Variants in FBXO31 observed in about 807,000 individuals in gnomAD.
The protein encoded by FBXO31 is F-box protein 31, also known as F-box only protein 31.
Under a neutral mutation model 54.4 loss-of-function variants are expected in FBXO31, and 24 were observed. That is an observed-to-expected ratio of 0.44 (90% confidence interval 0.32 to 0.62). The LOEUF (loss-of-function observed/expected upper bound fraction) is 0.62, where lower values mean the gene tolerates loss of function less well. Ranked by LOEUF, FBXO31 falls within the 20% of genes least tolerant of loss-of-function variation. The pLI is 0.05. For synonymous variants in FBXO31, 388 were observed against 335.6 expected (o/e 1.16, Z -1.71); for missense variants, 665 against 787.1 (o/e 0.84, Z 1.86).
rs1304704741 is a variant in FBXO31 at position 87,383,281 on chromosome 16, C to T, written c.340+124G>A. ...CACCCACACCCAAAACACCACATCGCCGGGCCCCGCGCCCAACTGGTGGCC... is the reference window on the plus strand; with the variant it reads ...CACCCACACCCAAAACACCACATCGTCGGGCCCCGCGCCCAACTGGTGGCC... On this transcript the variant is annotated intron_variant, in intron 1 of 8. Coordinates refer to ENST00000311635, the MANE Select transcript of FBXO31 (RefSeq NM_024735.5). This position sits in a 1 kb window ranked among gnomAD's most constrained non-coding sequence, Gnocchi z 4.9. The T allele has an allele frequency of 7.6e-6, 7 of 926,812 alleles. No homozygotes were observed. Among genetic ancestry groups the T allele is most frequent in the African/African-American group, 1.8e-5 (1 of 55,958 alleles). The allele number at this position is 926,812 out of a possible 1,614,324, so 57.4% of individuals were successfully genotyped here. A position where few individuals can be genotyped will look rare whatever the true frequency, so the allele number is the denominator to read the frequency against.
Position 87,352,519 on chromosome 16 carries a change from C to T in FBXO31, c.413-5269G>A, listed in dbSNP as rs112690968. Among the ~76,000 whole-genome samples, 604 of 152,236 alleles carry T rather than the reference C, an allele frequency of 4.0e-3. 2 individuals are homozygous for T. The highest frequency in any genetic ancestry group is 7.3e-3 in the Non-Finnish European group (494 of 68,022). ...AAGAAAATAATCCAGGCCAGAAGTC[C>T]GCAAACTGGAGTATCACCCGAATCC... On this transcript the variant is annotated intron_variant, in intron 2 of 8. Coordinates refer to ENST00000311635, the MANE Select transcript of FBXO31 (RefSeq NM_024735.5).
At chr16:87,366,194 T>C (rs1906362286) in intron 1 of FBXO31, among the ~76,000 whole-genome samples, 1 of 152,178 alleles carries the variant, frequency 6.6e-6, no homozygotes, top group Admixed American at 6.5e-5. Context: ...TGCGGAAATC[T>C]GAACCAAGTG....
intron 1 of FBXO31, among the ~76,000 whole-genome samples, chr16:87,360,612 T>C (rs1187185794): frequency 1.3e-5 from 2 of 152,362 alleles, no homozygotes; most frequent in Admixed American, 1.3e-4. Context: ...GCAATGTCTA[T>C]TCTAATAAGC....
Position 87,383,771 on chromosome 16 carries a change from G to A in FBXO31, c.-27C>T, listed in dbSNP as rs886197099. 1.7e-5 allele frequency: 20 copies of A among 1,184,594 alleles called. No individual in the cohort carries two copies. The African/African-American group carries it at 2.6e-4, about 15-fold the overall frequency. The allele number at this position is 1,184,594 out of a possible 1,614,324, so 73.4% of individuals were successfully genotyped here. ...CCGCCCAGTGACGGCCACTGCTGCC[G>A]CCTGTGCGCACGCTCCAGCGCGGCC... On this transcript the variant is annotated 5_prime_UTR_variant, in exon 1 of 9. Coordinates refer to ENST00000311635, the MANE Select transcript of FBXO31 (RefSeq NM_024735.5). The surrounding 1 kb of genome is among the most constrained non-coding windows in gnomAD (Gnocchi z 4.9).
At chr16:87,343,388 A>C (rs1312642605) in intron 4 of FBXO31, among the ~76,000 whole-genome samples, 1 of 152,262 alleles carries the variant, frequency 6.6e-6, no homozygotes, top group Admixed American at 6.5e-5. Flanking sequence ...CTGAGAGCAG[A>C]ATCAAGAGGG....
chr16:87,336,226 C>T lies in FBXO31; in HGVS notation c.771G>A (p.Thr257=), dbSNP rs370076716. ...TGTGCTCGTGGAAGATGTCCTCCAG[C>T]GTGCGCCCCCATTCCTCCCTCAGCC... The part of the protein sequence containing the change: ...RTWLREEWGR[T]LEDIFHEHMQ... Residue 257 remains threonine, a synonymous_variant, in exon 6 of 9, where the codon ACG becomes ACA. Transcript: ENST00000311635. This position sits in a 1 kb window ranked among gnomAD's most constrained non-coding sequence, Gnocchi z 6.5. 7.9e-5 allele frequency: 128 copies of T among 1,614,072 alleles called. No homozygotes were observed. The highest frequency in any genetic ancestry group is 9.8e-5 in the Non-Finnish European group (116 of 1,180,038).
chr16:87,382,858 A>C (rs1907143750), intron 1 of FBXO31, among the ~76,000 whole-genome samples: 1 of 151,928 alleles, frequency 6.6e-6, no homozygotes, highest in Non-Finnish European at 1.5e-5. Flanking sequence ...CTGGTCTCGA[A>C]CTCCTGACCT....
chr16:87,381,411 C>T (rs770891980), intron 1 of FBXO31, among the ~76,000 whole-genome samples: 1 of 152,206 alleles, frequency 6.6e-6, no homozygotes, highest in Admixed American at 6.5e-5. Context: ...TCACCTACCT[C>T]ATTCACCCTC....
intron 1 of FBXO31, among the ~76,000 whole-genome samples, chr16:87,378,824 C>T (rs913515176): frequency 2.6e-5 from 4 of 151,848 alleles, no homozygotes; most frequent in East Asian, 1.9e-4. Flanking sequence ...TAGCAGGGCA[C>T]GGTGGCGGGC....
intron 1 of FBXO31, among the ~76,000 whole-genome samples, chr16:87,379,531 C>T (rs547157791): frequency 9.2e-5 from 14 of 152,266 alleles, no homozygotes; most frequent in African/African-American, 2.9e-4. Flanking sequence ...CCAGGTTTTC[C>T]GCATTGTGCC....
intron 7 of FBXO31, among the ~76,000 whole-genome samples, 187 bp from the exon 8 acceptor site, chr16:87,334,473 A>G (rs1223315956): frequency 6.6e-6 from 1 of 152,212 alleles, no homozygotes. Flanking sequence ...AGCAACACCT[A>G]TGAGTGCCCC....
chr16:87,359,092 G>A (rs185650769), intron 2 of FBXO31, among the ~76,000 whole-genome samples: 3 of 152,206 alleles, frequency 2.0e-5, no homozygotes, highest in Admixed American at 6.5e-5. Flanking sequence ...CAGTTGCTGC[G>A]CTGTGAAAAT....
At chr16:87,368,015 T>A (rs1313723612) in intron 1 of FBXO31, 1 of 152,196 alleles carries the variant, frequency 6.6e-6, no homozygotes, top group Non-Finnish European at 1.5e-5. Flanking sequence ...GGTTTTTAGC[T>A]AGGATAGCCA....
chr16:87,366,064 A>G (rs528724419), intron 1 of FBXO31, among the ~76,000 whole-genome samples: 2 of 152,098 alleles, frequency 1.3e-5, no homozygotes, highest in Non-Finnish European at 2.9e-5. Context: ...AAATCGGTCA[A>G]CGTCACCAAA....
At chr16:87,390,411 A>C (rs1907486353), upstream of FBXO31, among the ~76,000 whole-genome samples, 2 of 152,030 alleles carry the variant, frequency 1.3e-5, no homozygotes, top group Admixed American at 6.6e-5. Flanking sequence ...AGAAATCCCA[A>C]CTGTATAAAA....
chr16:87,375,716 C>G (rs191500910), intron 1 of FBXO31, among the ~76,000 whole-genome samples: 1 of 152,176 alleles, frequency 6.6e-6, no homozygotes. Context: ...AAGGGTCCCA[C>G]ACCCACCCTG....
At chr16:87,344,156 C>G (rs745581163) in intron 3 of FBXO31, among the ~76,000 whole-genome samples, 16 of 152,380 alleles carry the variant, frequency 1.1e-4, no homozygotes, top group Admixed American at 2.0e-4. Context: ...CAACAGGCAA[C>G]ACAAGGACCG....
chr16:87,365,771 G>A (rs139896412), intron 1 of FBXO31, among the ~76,000 whole-genome samples: 258 of 152,256 alleles, frequency 1.7e-3, no homozygotes, highest in African/African-American at 5.4e-3. Context: ...GGTGGTTCAC[G>A]CCTGTAATCC....
chr16:87,334,121 C>T lies in FBXO31; in HGVS notation c.1162G>A (p.Ala388Thr). 6.2e-7 allele frequency: 1 copy of T among 1,611,254 alleles called. No homozygotes were observed. The highest frequency in any genetic ancestry group is 8.5e-7 in the Non-Finnish European group (1 of 1,178,928). The change falls in exon 8 of 9, where the codon GCG becomes ACG. Residue 388 changes from alanine (A) to threonine (T), a missense_variant. Transcript: ENST00000311635. ...CCCTGCCGGCCACGACCCTCGCCCG[C>T]CTCGTGCCCGCCTTCCTGCTGCTCC... The part of the protein sequence containing the change: ...RQEQQEGGHE[A>T]GEGRGRQGPR...
Sources: gnomAD v4.1 joint callset for allele counts (sites outside exome capture counted in the v4.1 genomes callset) on GRCh38, gnomAD v4.1.1 for gene constraint, Gnocchi (gnomAD v3.1) non-coding constraint, MANE v1.5 for transcripts, NCBI Gene and HGNC (gene_info 2026-07-23, HGNC 2026-07-21) for gene names.